CDK5RAP2: variants seen among roughly 807,000 people sequenced by gnomAD.
CDK5RAP2 encodes the protein CDK5 regulatory subunit associated protein 2.
Under a neutral mutation model 232.9 loss-of-function variants are expected in CDK5RAP2, and 147 were observed. The observed-to-expected ratio is 0.63, with a 90% CI of 0.55 to 0.72. The LOEUF is 0.72. Among genes scored for constraint, CDK5RAP2 ranks in the 30% least tolerant of loss-of-function variants. The pLI is 0.00. For missense variants in CDK5RAP2, 2,195 were observed against 2,231.5 expected (o/e 0.98, Z 0.33); for synonymous variants, 833 against 833.7 (o/e 1.00, Z 0.01).
chr9:120,492,983 T>C (rs891081543), intron 12 of CDK5RAP2, among the ~76,000 whole-genome samples: 7 of 152,186 alleles, frequency 4.6e-5, no homozygotes, highest in Non-Finnish European at 1.0e-4. Flanking sequence ...CAGACTATAG[T>C]CTCTAAACGC....
chr9:120,543,723 C>T (rs1012799786), intron 5 of CDK5RAP2, among the ~76,000 whole-genome samples: 4 of 152,032 alleles, frequency 2.6e-5, no homozygotes, highest in South Asian at 2.1e-4. Context: ...CTGAGCATGG[C>T]GGCACATGCC....
chr9:120,398,397 A>C (rs1413105109), intron 35 of CDK5RAP2, among the ~76,000 whole-genome samples: 1 of 152,208 alleles, frequency 6.6e-6, no homozygotes, highest in Non-Finnish European at 1.5e-5. Context: ...ATAACCATTA[A>C]CAAGAGTTTA....
At chr9:120,467,156 G>A (rs887769973) in intron 18 of CDK5RAP2, among the ~76,000 whole-genome samples, 1 of 152,222 alleles carries the variant, frequency 6.6e-6, no homozygotes, top group African/African-American at 2.4e-5. Flanking sequence ...TCAGCACTGA[G>A]ACCCAGAAGT....
chr9:120,389,497 G>A (rs1182796098), intron 37 of CDK5RAP2, among the ~76,000 whole-genome samples: 2 of 152,194 alleles, frequency 1.3e-5, no homozygotes, highest in African/African-American at 4.8e-5. Context: ...CCTACTATGT[G>A]TCAAGCATTG....
chr9:120,466,488 T>A (rs1291188378), intron 18 of CDK5RAP2, among the ~76,000 whole-genome samples: 1 of 152,186 alleles, frequency 6.6e-6, no homozygotes, highest in Non-Finnish European at 1.5e-5. Context: ...TATTAAGATC[T>A]TAGGGTGGGA....
At chr9:120,473,564 A>G (rs891269879) in intron 15 of CDK5RAP2, among the ~76,000 whole-genome samples, 4 of 152,242 alleles carry the variant, frequency 2.6e-5, no homozygotes, top group Non-Finnish European at 5.9e-5. Flanking sequence ...CATTATGTCT[A>G]ATCTTCTATG....
rs768235984 is a variant in CDK5RAP2, at chr9:120,439,934, G to A, written c.3187C>T (p.Pro1063Ser). 9 of 1,614,078 alleles carry A rather than the reference G, an allele frequency of 5.6e-6. No homozygotes were observed. The highest frequency in any genetic ancestry group is 7.6e-6 in the Non-Finnish European group (9 of 1,180,026). The change falls in exon 24 of 38, where the codon CCA (proline) becomes TCA (serine). Residue 1063 changes from proline to serine, a missense_variant. Coordinates refer to ENST00000349780, the MANE Select transcript of CDK5RAP2 (RefSeq NM_018249.6). Reference sequence around the variant, plus strand: ...TCTTCAGGATTTTCTTTGCATGATGGCAAGCTGGCAAGGTCATCAGGTGGG... The same window carrying A: ...TCTTCAGGATTTTCTTTGCATGATGACAAGCTGGCAAGGTCATCAGGTGGG... ...ICPPDDLASL[P>S]SCKENPEDVL...
intron 3 of CDK5RAP2, among the ~76,000 whole-genome samples, chr9:120,557,414 T>C (rs1435806694): frequency 3.3e-5 from 5 of 152,060 alleles, no homozygotes; most frequent in Non-Finnish European, 5.9e-5. Flanking sequence ...ACCCAACAGA[T>C]GGTTACTAAA....
chr9:120,509,913 C>G (rs1252047854), intron 12 of CDK5RAP2, among the ~76,000 whole-genome samples: 1 of 152,042 alleles, frequency 6.6e-6, no homozygotes, highest in Non-Finnish European at 1.5e-5. Flanking sequence ...GCACATTATT[C>G]TATAAAGAGA....
chr9:120,557,396 A>C (rs1456937599), intron 3 of CDK5RAP2, among the ~76,000 whole-genome samples: 1 of 152,144 alleles, frequency 6.6e-6, no homozygotes, highest in Non-Finnish European at 1.5e-5. Flanking sequence ...TGTGCACTCT[A>C]GACTGTAACC....
Position 120,536,227 on chromosome 9 carries a change from G to A in CDK5RAP2, c.662+145C>T, listed in dbSNP as rs2041378814. 1.0e-5 allele frequency: 8 copies of A among 790,180 alleles called. No individual in the cohort carries two copies. The South Asian group carries it at 1.1e-4, about 11-fold the overall frequency. 48.9% of individuals were successfully genotyped at this position (790,180 alleles called of 1,614,324 possible). On this transcript the variant is annotated intron_variant, in intron 7 of 37. Transcript: ENST00000349780. ...TTTATCCCTAGTTTTCTATCTAACT[G>A]TGTTGGACTTGTTCCCATTAGTCAC...
At chr9:120,543,015 T>C (rs1217957921) in intron 5 of CDK5RAP2, among the ~76,000 whole-genome samples, 1 of 152,194 alleles carries the variant, frequency 6.6e-6, no homozygotes, top group Admixed American at 6.5e-5. Flanking sequence ...AAGAACATTT[T>C]AGCATCCATG....
chr9:120,470,881 C>G (rs777051462), intron 16 of CDK5RAP2, among the ~76,000 whole-genome samples: 1 of 152,136 alleles, frequency 6.6e-6, no homozygotes, highest in East Asian at 1.9e-4. Flanking sequence ...TTAACACACA[C>G]GTGTAAGAGC....
chr9:120,396,954 CT>C (rs996593178), intron 35 of CDK5RAP2, among the ~76,000 whole-genome samples: 3 of 152,178 alleles, frequency 2.0e-5, no homozygotes, highest in African/African-American at 7.2e-5. Flanking sequence ...GTTTCCATTC[CT>C]ACCTCTGGAA....
At chr9:120,526,924 T>C (rs542495180) in intron 10 of CDK5RAP2, among the ~76,000 whole-genome samples, 2 of 152,174 alleles carry the variant, frequency 1.3e-5, no homozygotes, top group South Asian at 4.1e-4. Context: ...CTCCTACTTA[T>C]CCTTTCAGAT....
At chr9:120,549,543 T>C (rs892496094) in intron 4 of CDK5RAP2, among the ~76,000 whole-genome samples, 1 of 152,172 alleles carries the variant, frequency 6.6e-6, no homozygotes, top group Non-Finnish European at 1.5e-5. Flanking sequence ...AGTAGCTATA[T>C]GACATCAGGT....
At chr9:120,437,156 G>T (rs2035630878) in intron 25 of CDK5RAP2, 139 bp downstream of exon 25, 2 of 709,848 alleles carry the variant, frequency 2.8e-6, no homozygotes, top group Admixed American at 2.0e-5. Flanking sequence ...GCAGCAGCCA[G>T]TGTGGTTCTG....
rs1172005887 is a variant in CDK5RAP2 at position 120,571,957 on chromosome 9, T to C, written c.127+17A>G. 3.7e-6 allele frequency: 6 copies of C among 1,602,084 alleles called. No individual in the cohort carries two copies. The highest frequency in any genetic ancestry group is 5.1e-6 in the Non-Finnish European group (6 of 1,168,926). ...CTTGTTCTTTACTCAAGAGAATGCC[T>C]GGTTTTGTGTACTTACGACCATTTC... On this transcript the variant is annotated intron_variant, in intron 2 of 37. Coordinates refer to ENST00000349780, the MANE Select transcript of CDK5RAP2 (RefSeq NM_018249.6).
intron 12 of CDK5RAP2, among the ~76,000 whole-genome samples, chr9:120,496,412 C>T (rs1402240852): frequency 2.7e-3 from 334 of 122,464 alleles, no homozygotes; most frequent in Admixed American, 3.2e-3. Flanking sequence ...CCCAGCCAGC[C>T]GCCCTGTCCG....
Sources: allele counts gnomAD v4.1 joint callset (sites outside exome capture counted in the v4.1 genomes callset), GRCh38; gene constraint gnomAD v4.1.1; transcripts MANE v1.5; gene names NCBI Gene and HGNC (gene_info 2026-07-23, HGNC 2026-07-21).